The following IFT140 variants were observed in gnomAD, a reference collection of about 807,000 sequenced individuals.
IFT140 encodes the protein intraflagellar transport protein 140 homolog.
A neutral mutation model predicts 164.6 loss-of-function variants in IFT140; 133 were observed. The ratio of observed to expected loss-of-function variants is 0.81; its 90% confidence interval spans 0.70 to 0.93. IFT140 has a LOEUF of 0.93. Ranked by LOEUF, IFT140 falls within the 40% of genes least tolerant of loss-of-function variation. IFT140 has a pLI of 0.00. For missense variants in IFT140, 2,045 were observed against 1,972.3 expected (o/e 1.04, Z -0.70); for synonymous variants, 860 against 817.3 (o/e 1.05, Z -0.89).
At position 1,562,026 on chromosome 16, in the gene IFT140, G is replaced by A. The variant is rs756482228; in HGVS notation, c.2158C>T (p.Leu720Phe). The change falls in exon 18 of 31, where the codon CTC becomes TTC. Residue 720 changes from leucine to phenylalanine, a missense_variant. By Grantham distance (22) the Leu-to-Phe change is conservative. Coordinates refer to ENST00000426508, the MANE Select transcript of IFT140 (RefSeq NM_014714.4). ...TAATAAGGCACTTCCATCCCCAGGA[G>A]ACTGTGGGAGGTGGCAGGCCGGGGG... Reference protein sequence around the residue: ...SFPRPATSHSLLGMEVPYYYF... With the variant: ...SFPRPATSHSFLGMEVPYYYF... The A allele has an allele frequency of 2.5e-6, 4 of 1,611,874 alleles. No homozygotes were observed. Among genetic ancestry groups the A allele is most frequent in the Non-Finnish European group, 3.4e-6 (4 of 1,179,058 alleles).
At chr16:1,608,098 A>T (rs2036165958) in intron 2 of IFT140, among the ~76,000 whole-genome samples, 1 of 133,962 alleles carries the variant, frequency 7.5e-6, no homozygotes, top group African/African-American at 3.0e-5. Context: ...GTCTTCCTCT[A>T]TTAGAGAGTC....
chr16:1,591,266 G>A (rs1338220940), intron 6 of IFT140, among the ~76,000 whole-genome samples: 1 of 151,990 alleles, frequency 6.6e-6, no homozygotes, highest in Non-Finnish European at 1.5e-5. Flanking sequence ...CTTCCTGGGG[G>A]GCCCCATCCT....
chr16:1,609,425 T>C (rs2036233529), intron 2 of IFT140, among the ~76,000 whole-genome samples: 1 of 152,202 alleles, frequency 6.6e-6, no homozygotes, highest in Non-Finnish European at 1.5e-5. Context: ...TCTTGCCCAG[T>C]GTCCCCACAC....
Position 1,553,969 on chromosome 16 carries a change from T to G in IFT140, c.2399+3966A>C, listed in dbSNP as rs963496559. The G allele has an allele frequency of 1.5e-5, 19 of 1,287,178 alleles. No homozygotes were observed. Among genetic ancestry groups the G allele is most frequent in the Non-Finnish European group, 1.8e-5 (18 of 988,644 alleles). 79.7% of individuals were successfully genotyped at this position (1,287,178 alleles called of 1,614,324 possible). ...TAAGTGAAACTGTAGCATCAGCGAC[T>G]AACTAGACGGGAACAAGCTGCGCCA... is the stretch of plus-strand genomic sequence containing the variant. On this transcript the variant is annotated intron_variant, in intron 19 of 30. Coordinates refer to ENST00000426508, the MANE Select transcript of IFT140 (RefSeq NM_014714.4). The surrounding 1 kb of genome is among the most constrained non-coding windows in gnomAD (Gnocchi z 4.4).
chr16:1,532,316 C>T (rs143337777), intron 19 of IFT140: 1 of 152,358 alleles, frequency 6.6e-6, no homozygotes, highest in East Asian at 1.9e-4. Flanking sequence ...TGCGACAAAT[C>T]CCCGGGGAAA....
chr16:1,552,451 G>A (rs1290564954), intron 19 of IFT140, among the ~76,000 whole-genome samples: 1 of 151,778 alleles, frequency 6.6e-6, no homozygotes, highest in Non-Finnish European at 1.5e-5. Flanking sequence ...ACACCCCACC[G>A]GCAGAAAGTG....
At chr16:1,568,534 A>G (rs1233034395) in intron 14 of IFT140, among the ~76,000 whole-genome samples, 200 bp from the exon 15 acceptor site, 1 of 152,242 alleles carries the variant, frequency 6.6e-6, no homozygotes, top group African/African-American at 2.4e-5. Context: ...TCTTACGAAC[A>G]AGGACGAATA....
intron 17 of IFT140, among the ~76,000 whole-genome samples, 158 bp from the exon 18 acceptor site, chr16:1,562,274 C>G (rs2033457036): frequency 6.6e-6 from 1 of 151,912 alleles, no homozygotes; most frequent in Admixed American, 6.6e-5. Flanking sequence ...ATTACACCAC[C>G]TTTTATCTGC....
intron 30 of IFT140, among the ~76,000 whole-genome samples, chr16:1,512,081 C>G (rs2040177602): frequency 6.7e-6 from 1 of 149,122 alleles, no homozygotes; most frequent in African/African-American, 2.5e-5. Flanking sequence ...CAAGTGGTTT[C>G]CAGAAGGCAG....
chr16:1,581,289 T>C (rs1400915685), intron 12 of IFT140, among the ~76,000 whole-genome samples: 3 of 152,170 alleles, frequency 2.0e-5, no homozygotes, highest in Admixed American at 1.3e-4. Context: ...ACAATTACTT[T>C]TGCAGCAACA....
intron 19 of IFT140, among the ~76,000 whole-genome samples, chr16:1,537,637 C>T (rs2031204612): frequency 6.6e-6 from 1 of 152,224 alleles, no homozygotes; most frequent in Non-Finnish European, 1.5e-5. Context: ...TGAGGTCCAC[C>T]TCACATGCCA....
At chr16:1,583,601 GTTTTT>G (rs778759241) in intron 11 of IFT140, among the ~76,000 whole-genome samples, 3 of 138,452 alleles carry the variant, frequency 2.2e-5, no homozygotes, top group East Asian at 4.2e-4. Context: ...ATTCTTTTCT[GTTTTT>G]TTTTTTCTTT....
chr16:1,592,024 C>T (rs878891917), intron 6 of IFT140, 152 bp downstream of exon 6: 13 of 791,066 alleles, frequency 1.6e-5, no homozygotes, highest in Admixed American at 5.4e-5. Flanking sequence ...AGAGTGGCTG[C>T]GGCACTCCGC....
chr16:1,554,975 A>G (rs2032971626), intron 19 of IFT140: 2 of 1,613,756 alleles, frequency 1.2e-6, no homozygotes, highest in Admixed American at 1.7e-5. Flanking sequence ...GCTCCCTGAC[A>G]GCGCGCTTTC....
chr16:1,519,928 C>G lies in IFT140; in HGVS notation c.3993G>C (p.Gln1331His), dbSNP rs35823417. Residue 1331 changes from glutamine to histidine, a missense_variant, in exon 29 of 31, where the codon CAG becomes CAC. Transcript: ENST00000426508. ...SPLDQETRLAQLQSRMALVKR... is the reference protein window; with the variant it reads ...SPLDQETRLAHLQSRMALVKR... ...TCACCAGTGCCATCCTGCTCTGCAG[C>G]TGCGCCAGCCTGGTCTCCTGGTCCA... 2.3e-3 allele frequency: 3,637 copies of G among 1,598,558 alleles called. 20 individuals carry two copies. The highest frequency in any genetic ancestry group is 6.1e-3 in the South Asian group (545 of 88,944).
rs572643164 is a variant in IFT140 at position 1,526,463 on chromosome 16, C to T, written c.2577+156G>A. 207 of 835,500 alleles carry T rather than the reference C, an allele frequency of 2.5e-4. No homozygotes were observed. In the South Asian group the frequency reaches 3.2e-3, roughly 13 times the overall value. The allele number at this position is 835,500 out of a possible 1,614,324, so 51.8% of individuals were successfully genotyped here. A position where few individuals can be genotyped will look rare whatever the true frequency, so the allele number is the denominator to read the frequency against. On this transcript the variant is annotated intron_variant, in intron 20 of 30. Transcript: ENST00000426508. ...TAGCCTCCACCCACCTCACCTCCACCGCCGCTGTCTGCCCAGCTCTCCTGG... is the reference window on the plus strand; with the variant it reads ...TAGCCTCCACCCACCTCACCTCCACTGCCGCTGTCTGCCCAGCTCTCCTGG...
At chr16:1,513,090 G>A (rs1183778323) in intron 30 of IFT140, 2 of 152,154 alleles carry the variant, frequency 1.3e-5, no homozygotes, top group Non-Finnish European at 2.9e-5. Context: ...TATCTAATAG[G>A]GCAACACAAC....
Position 1,524,836 on chromosome 16 carries a change from C to T in IFT140, c.2945G>A (p.Arg982Gln), listed in dbSNP as rs766316995. The change falls in exon 23 of 31, where the codon CGG becomes CAG. Residue 982 changes from arginine to glutamine, a missense_variant. Physicochemically the swap from Arg to Gln is conservative, Grantham distance 43. Coordinates refer to ENST00000426508, the MANE Select transcript of IFT140 (RefSeq NM_014714.4). ...DAALHYYELARDHFSLVRIHC... is the reference protein window; with the variant it reads ...DAALHYYELAQDHFSLVRIHC... Reference sequence around the variant, plus strand: ...GATGCGGACCAGGGAGAAGTGGTCCCGGGCCAGCTCGTAGTAGTGCAGCGC... The same window carrying T: ...GATGCGGACCAGGGAGAAGTGGTCCTGGGCCAGCTCGTAGTAGTGCAGCGC... The T allele has an allele frequency of 3.5e-5, 56 of 1,612,846 alleles. No individual in the cohort carries two copies. In the Middle Eastern group the frequency reaches 3.1e-3, roughly 90 times the overall value.
intron 18 of IFT140, among the ~76,000 whole-genome samples, chr16:1,561,778 CT>C (rs2033421493): frequency 6.6e-6 from 1 of 152,226 alleles, no homozygotes; most frequent in South Asian, 2.1e-4. Flanking sequence ...AGCAAAACCA[CT>C]TCCAATTCTC....
Sources: gnomAD v4.1 joint callset for allele counts (sites outside exome capture counted in the v4.1 genomes callset) on GRCh38, gnomAD v4.1.1 for gene constraint, Gnocchi (gnomAD v3.1) non-coding constraint, MANE v1.5 for transcripts, NCBI Gene and HGNC (gene_info 2026-07-23, HGNC 2026-07-21) for gene names.